The following OSBPL3 variants were observed in gnomAD, a reference collection of about 807,000 sequenced individuals.
OSBPL3 encodes the protein oxysterol binding protein like 3, also known as oxysterol-binding protein-related protein 3.
OSBPL3 carries 65 observed loss-of-function variants against 120.1 expected under a neutral mutation model. The ratio of observed to expected loss-of-function variants is 0.54; its 90% CI spans 0.44 to 0.67. The LOEUF (loss-of-function observed/expected upper bound fraction) is 0.67, where lower values mean the gene tolerates loss of function less well. Ranked by LOEUF, OSBPL3 falls within the 30% of genes least tolerant of loss-of-function variation. The pLI is 0.00. For synonymous variants in OSBPL3, 416 were observed against 402.6 expected (o/e 1.03, Z -0.40); for missense variants, 1,004 against 1,082.1 (o/e 0.93, Z 1.01).
chr7:24,828,633 A>AAAAAAAAAAAAAAAAAAAAAG, intron 16 of OSBPL3, among the ~76,000 whole-genome samples: 1 of 134,624 alleles, frequency 7.4e-6, no homozygotes, highest in South Asian at 2.2e-4. Flanking sequence ...AAAAAAAAAA[A>AAAAAAAAAAAAAAAAAAAAAG]AAAGGCATCG....
chr7:24,840,994 T>C (rs1797670613), intron 13 of OSBPL3, among the ~76,000 whole-genome samples: 1 of 152,226 alleles, frequency 6.6e-6, no homozygotes. Flanking sequence ...CCGAATTAGT[T>C]CTCACAAGGA....
In OSBPL3 at chr7:24,852,881, C is replaced by T. The variant is rs1193756378; in HGVS notation, c.1028-247G>A. Among the ~76,000 whole-genome samples the T allele has an allele frequency of 6.6e-6, 1 of 152,052 alleles. No individual in the cohort carries two copies. Among genetic ancestry groups the T allele is most frequent in the Non-Finnish European group, 1.5e-5 (1 of 68,024 alleles). ...TTCATTGACTGTAAGAGATGCAGTA[C>T]TCTGGTGTGGGATGCTGATGGCGGG... On this transcript the variant is annotated intron_variant, in intron 10 of 22. Coordinates refer to ENST00000313367, the MANE Select transcript of OSBPL3 (RefSeq NM_015550.4). The surrounding 1 kb of genome is among the most constrained non-coding windows in gnomAD (Gnocchi z 4.1).
At chr7:24,884,609 C>T (rs947060785) in intron 2 of OSBPL3, among the ~76,000 whole-genome samples, 2 of 152,128 alleles carry the variant, frequency 1.3e-5, no homozygotes, top group African/African-American at 2.4e-5. Context: ...CTTAAGGGCT[C>T]CCGGGACTCC....
At position 24,833,742 on chromosome 7, in the gene OSBPL3, G is replaced by A. The variant is rs546494424; in HGVS notation, c.1746+744C>T. 7.6e-4 allele frequency among the ~76,000 whole-genome samples: 115 copies of A among 152,314 alleles called. 3 individuals are homozygous for A. The South Asian group carries it at 0.017, about 23-fold the overall frequency. On this transcript the variant is annotated intron_variant, in intron 15 of 22. Transcript: ENST00000313367. This position sits in a 1 kb window ranked among gnomAD's most constrained non-coding sequence, Gnocchi z 4.4. ...AGCAAAAAGCGGTACAGACACCCAC[G>A]TTCAAGAACAAAGTTAGTCACAGTC...
At chr7:24,866,496 C>T (rs1801337205) in intron 5 of OSBPL3, among the ~76,000 whole-genome samples, 1 of 152,056 alleles carries the variant, frequency 6.6e-6, no homozygotes, top group Non-Finnish European at 1.5e-5. Context: ...AAAAAATTAG[C>T]CAGACATGGT....
Position 24,871,334 on chromosome 7 carries a change from G to C in OSBPL3, c.267+408C>G, listed in dbSNP as rs1022623342. ...CAGGACAAATGGTCATTCACACACA[G>C]AGCCTTCACACACCAACTGCCTGGG... is the stretch of plus-strand genomic sequence containing the variant. On this transcript the variant is annotated intron_variant, in intron 4 of 22. Transcript: ENST00000313367. This position sits in a 1 kb window ranked among gnomAD's most constrained non-coding sequence, Gnocchi z 4.8. Among the ~76,000 whole-genome samples the C allele has an allele frequency of 6.6e-6, 1 of 152,202 alleles. No homozygotes were observed. The highest frequency in any genetic ancestry group is 2.4e-5 in the African/African-American group (1 of 41,448).
At position 24,979,890 on chromosome 7, in the gene OSBPL3, G is replaced by C; in HGVS notation, c.-154C>G. 1.0e-6 allele frequency: 1 copy of C among 953,060 alleles called. No individual in the cohort carries two copies. Among genetic ancestry groups the C allele is most frequent in the Non-Finnish European group, 1.2e-6 (1 of 810,638 alleles). The allele number at this position is 953,060 out of a possible 1,614,324, so 59.0% of individuals were successfully genotyped here. A position where few individuals can be genotyped will look rare whatever the true frequency, so the allele number is the denominator to read the frequency against. The stretch of plus-strand genomic sequence containing the variant: ...GGCGGGCGCCCCGCCACTCACCTGA[G>C]CGCTGTGCAGCCGGAGACGCTCCCT... On this transcript the variant is annotated 5_prime_UTR_variant, in exon 1 of 23. Transcript: ENST00000313367.
At position 24,976,222 on chromosome 7, in the gene OSBPL3, A is replaced by T. The variant is rs10247252; in HGVS notation, c.-150+3664T>A. ...GAGGATTAAATGCAATAATGCATGT[A>T]CAGGAACTTCTGACAGCACCCGGCA... On this transcript the variant is annotated intron_variant, in intron 1 of 22. Coordinates refer to ENST00000313367, the MANE Select transcript of OSBPL3 (RefSeq NM_015550.4). Among the ~76,000 whole-genome samples, 723 of 152,334 alleles carry T rather than the reference A, an allele frequency of 4.7e-3. 8 individuals carry two copies. The highest frequency in any genetic ancestry group is 0.017 in the African/African-American group (692 of 41,570).
intron 1 of OSBPL3, among the ~76,000 whole-genome samples, chr7:24,934,251 T>C (rs1334958779): frequency 2.6e-5 from 4 of 152,214 alleles, no homozygotes; most frequent in African/African-American, 9.6e-5. Flanking sequence ...CCTGCTTTGC[T>C]GGATGTCTCA....
chr7:24,800,453 CTTT>C (rs766653677), intron 22 of OSBPL3, among the ~76,000 whole-genome samples, 174 bp from the exon 23 acceptor site: 5 of 119,508 alleles, frequency 4.2e-5, no homozygotes, highest in Admixed American at 9.3e-5. Flanking sequence ...AATTTTGTTA[CTTT>C]TTTTTTTTTT....
rs1404502266 is a variant in OSBPL3 at position 24,932,501 on chromosome 7, G to A, written c.-149-39880C>T. On this transcript the variant is annotated intron_variant, in intron 1 of 22. Coordinates refer to ENST00000313367, the MANE Select transcript of OSBPL3 (RefSeq NM_015550.4). This position sits in a 1 kb window ranked among gnomAD's most constrained non-coding sequence, Gnocchi z 5.6. ...CTAGTCACCAATTTGATGGCATTGGGATGTGGGGTCTTTGGGAGGTGATTA... is the reference window on the plus strand; with the variant it reads ...CTAGTCACCAATTTGATGGCATTGGAATGTGGGGTCTTTGGGAGGTGATTA... 1.3e-5 allele frequency among the ~76,000 whole-genome samples: 2 copies of A among 152,138 alleles called. No individual in the cohort carries two copies. The highest frequency in any genetic ancestry group is 2.9e-5 in the Non-Finnish European group (2 of 68,024).
rs1267473194 is a variant in OSBPL3, at chr7:24,815,943, T to C, written c.2027+667A>G. Among the ~76,000 whole-genome samples the C allele has an allele frequency of 6.6e-6, 1 of 152,208 alleles. No individual in the cohort carries two copies. The highest frequency in any genetic ancestry group is 1.5e-5 in the Non-Finnish European group (1 of 68,036). ...AGAAGCATCTTGCTTTATAAATAAG[T>C]ATCAATCATCCCTATCAGATCAAGG... On this transcript the variant is annotated intron_variant, in intron 18 of 22. Transcript: ENST00000313367. The surrounding 1 kb of genome is among the most constrained non-coding windows in gnomAD (Gnocchi z 5.1).
intron 10 of OSBPL3, among the ~76,000 whole-genome samples, chr7:24,857,073 GT>G (rs1799928079): frequency 6.6e-6 from 1 of 152,116 alleles, no homozygotes; most frequent in Non-Finnish European, 1.5e-5. Context: ...TATGAAAGAG[GT>G]ATCATTGTAA....
rs1383895125 is a variant in OSBPL3, at chr7:24,824,651, C to G, written c.1885-4413G>C. On this transcript the variant is annotated intron_variant, in intron 16 of 22. Transcript: ENST00000313367. This position sits in a 1 kb window ranked among gnomAD's most constrained non-coding sequence, Gnocchi z 4.9. ...GTGATGTGTCAGGCACCGTCCTAGT[C>G]ACCAAGGGTAAAAATTCTTACCCTG... Among the ~76,000 whole-genome samples, 1 of 152,208 alleles carries G rather than the reference C, an allele frequency of 6.6e-6. No individual in the cohort carries two copies. Among genetic ancestry groups the G allele is most frequent in the African/African-American group, 2.4e-5 (1 of 41,446 alleles).
In OSBPL3 at chr7:24,830,621, TC is replaced by T; in HGVS notation, c.1884+146del. 2 of 805,830 alleles carry T rather than the reference TC, an allele frequency of 2.5e-6. No homozygotes were observed. The highest frequency in any genetic ancestry group is 4.0e-5 in the South Asian group (2 of 50,118). The allele number at this position is 805,830 out of a possible 1,614,324, so 49.9% of individuals were successfully genotyped here. A position where few individuals can be genotyped will look rare whatever the true frequency, so the allele number is the denominator to read the frequency against. ...TGGCTTGGCTTCAGTGGAAGGGAAATCGATCCCTCCCTTTATGTTGAAAAGC... is the reference window on the plus strand; with the variant it reads ...TGGCTTGGCTTCAGTGGAAGGGAAATGATCCCTCCCTTTATGTTGAAAAGC... On this transcript the variant is annotated intron_variant, in intron 16 of 22. Transcript: ENST00000313367. The surrounding 1 kb of genome is among the most constrained non-coding windows in gnomAD (Gnocchi z 4.4).
intron 2 of OSBPL3, among the ~76,000 whole-genome samples, chr7:24,886,078 T>G (rs1000818094): frequency 1.7e-4 from 26 of 152,354 alleles, no homozygotes; most frequent in African/African-American, 6.3e-4. Flanking sequence ...ATGGTAATCT[T>G]TCTACTAAGC....
intron 1 of OSBPL3, among the ~76,000 whole-genome samples, chr7:24,956,443 C>T (rs983657856): frequency 2.6e-5 from 4 of 152,214 alleles, no homozygotes; most frequent in Non-Finnish European, 5.9e-5. Context: ...GGCTTTATGT[C>T]CCACCTGCCC....
In OSBPL3 at chr7:24,852,619, CT is replaced by C. The variant is rs1023210191; in HGVS notation, c.1042del (p.Arg348GlyfsTer14). On this transcript the variant is annotated frameshift_variant, in exon 11 of 23. Transcript: ENST00000313367. LOFTEE classifies it high-confidence loss of function. The surrounding 1 kb of genome is among the most constrained non-coding windows in gnomAD (Gnocchi z 4.1). ...HIAHKVYFTLRSAFNIMSAER... is the reference protein window; with the variant it reads ...HIAHKVYFTLXSAFNIMSAER... ...CGCTGACATGATATTAAAAGCTGACCTTAAAGTGAAGTAAACTATAGAGATA... is the reference window on the plus strand; with the variant it reads ...CGCTGACATGATATTAAAAGCTGACCTAAAGTGAAGTAAACTATAGAGATA... 6.3e-7 allele frequency: 1 copy of C among 1,593,808 alleles called. No individual in the cohort carries two copies. The highest frequency in any genetic ancestry group is 8.5e-7 in the Non-Finnish European group (1 of 1,173,134).
rs1325905431 is a variant in OSBPL3, at chr7:24,820,888, G to A, written c.1885-650C>T. 6.6e-6 allele frequency among the ~76,000 whole-genome samples: 1 copy of A among 151,438 alleles called. No homozygotes were observed. Among genetic ancestry groups the A allele is most frequent in the Non-Finnish European group, 1.5e-5 (1 of 67,948 alleles). ...CTGTTAAGAAATTTTATTTATTTTT[G>A]GTCTAATAAAACTATCTTAAGCAAA... On this transcript the variant is annotated intron_variant, in intron 16 of 22. Transcript: ENST00000313367. This position sits in a 1 kb window ranked among gnomAD's most constrained non-coding sequence, Gnocchi z 4.6.
Sources: allele counts gnomAD v4.1 joint callset (sites outside exome capture counted in the v4.1 genomes callset), GRCh38; gene constraint gnomAD v4.1.1; non-coding constraint Gnocchi (gnomAD v3.1); transcripts MANE v1.5; gene names NCBI Gene and HGNC (gene_info 2026-07-23, HGNC 2026-07-21).